Variants in ZC3H3 observed in about 807,000 individuals in gnomAD.
ZC3H3 encodes zinc finger CCCH domain-containing protein 3.
A neutral mutation model predicts 77.3 loss-of-function variants in ZC3H3; 36 were observed. The ratio of observed to expected loss-of-function variants is 0.47; its 90% CI spans 0.36 to 0.61. ZC3H3 has a LOEUF of 0.61. Among genes scored for constraint, ZC3H3 ranks in the 20% least tolerant of loss-of-function variants. The probability of loss-of-function intolerance (pLI) is 0.00; values close to 1 mark genes in which losing one functional copy is unlikely to be tolerated. For synonymous variants in ZC3H3, 626 were observed against 555.2 expected (o/e 1.13, Z -1.79); for missense variants, 1,331 against 1,312.2 (o/e 1.01, Z -0.22).
Position 143,530,150 on chromosome 8 carries a change from G to C in ZC3H3, c.1561+6107C>G, listed in dbSNP as rs539059056. 2.6e-5 allele frequency among the ~76,000 whole-genome samples: 4 copies of C among 152,218 alleles called. No homozygotes were observed. The highest frequency in any genetic ancestry group is 1.3e-4 in the Admixed American group (2 of 15,302). Reference sequence around the variant, plus strand: ...AAAGCCTGGGCAGCCGGCAGGCCTCGACCCAGCCTGGTTGTCCACACGAGA... The same window carrying C: ...AAAGCCTGGGCAGCCGGCAGGCCTCCACCCAGCCTGGTTGTCCACACGAGA... On this transcript the variant is annotated intron_variant, in intron 3 of 11. Transcript: ENST00000262577. The surrounding 1 kb of genome is among the most constrained non-coding windows in gnomAD (Gnocchi z 4.3).
intron 5 of ZC3H3, among the ~76,000 whole-genome samples, chr8:143,469,985 G>A (rs999372805): frequency 1.3e-5 from 2 of 152,160 alleles, no homozygotes; most frequent in African/African-American, 4.8e-5. Context: ...TCCCAAAGCC[G>A]CCCAGCCCCA....
At chr8:143,506,474 A>C (rs1324877540) in intron 4 of ZC3H3, among the ~76,000 whole-genome samples, 1 of 152,212 alleles carries the variant, frequency 6.6e-6, no homozygotes. Flanking sequence ...CACCAGATAG[A>C]AGAACGGAAG....
chr8:143,438,161 C>G (rs184233972), intron 11 of ZC3H3, 74 bp from the exon 12 acceptor site: 1 of 1,554,794 alleles, frequency 6.4e-7, no homozygotes, highest in South Asian at 1.2e-5. Flanking sequence ...AGCTCCTGAT[C>G]GGGCTCAGGA....
chr8:143,525,186 G>A (rs1024523645), intron 3 of ZC3H3, among the ~76,000 whole-genome samples: 1 of 152,214 alleles, frequency 6.6e-6, no homozygotes, highest in Non-Finnish European at 1.5e-5. Context: ...GGCCTGGGTG[G>A]CACCTCCCAG....
Position 143,530,171 on chromosome 8 carries a change from C to A in ZC3H3, c.1561+6086G>T, listed in dbSNP as rs1379239597. Among the ~76,000 whole-genome samples, 1 of 152,068 alleles carries A rather than the reference C, an allele frequency of 6.6e-6. No individual in the cohort carries two copies. The highest frequency in any genetic ancestry group is 1.5e-5 in the Non-Finnish European group (1 of 67,998). ...CCTCGACCCAGCCTGGTTGTCCACA[C>A]GAGACCACCACGCAAGCCAGGCCCT... On this transcript the variant is annotated intron_variant, in intron 3 of 11. Coordinates refer to ENST00000262577, the MANE Select transcript of ZC3H3 (RefSeq NM_015117.3). The surrounding 1 kb of genome is among the most constrained non-coding windows in gnomAD (Gnocchi z 4.3).
At chr8:143,505,510 C>T (rs564877149) in intron 4 of ZC3H3, among the ~76,000 whole-genome samples, 12 of 152,300 alleles carry the variant, frequency 7.9e-5, no homozygotes, top group Non-Finnish European at 1.2e-4. Flanking sequence ...CACTGGTGGC[C>T]ATTCTTCCCA....
rs1167309104 is a variant in ZC3H3, at chr8:143,530,389, C to T, written c.1561+5868G>A. On this transcript the variant is annotated intron_variant, in intron 3 of 11. Coordinates refer to ENST00000262577, the MANE Select transcript of ZC3H3 (RefSeq NM_015117.3). This position sits in a 1 kb window ranked among gnomAD's most constrained non-coding sequence, Gnocchi z 4.3. ...TGAAGCAGAGAGGGCCCTCCCACTC[C>T]AGCAGATGACGACACCACTGCCTAC... 6.6e-6 allele frequency among the ~76,000 whole-genome samples: 1 copy of T among 152,180 alleles called. No individual in the cohort carries two copies. The highest frequency in any genetic ancestry group is 6.5e-5 in the Admixed American group (1 of 15,282).
chr8:143,478,300 C>T (rs116377276), intron 4 of ZC3H3, among the ~76,000 whole-genome samples: 147 of 152,286 alleles, frequency 9.7e-4, no homozygotes, highest in African/African-American at 2.9e-3. Flanking sequence ...GGGCGAGGCC[C>T]GGGCTGCAGC....
At chr8:143,471,103 G>C (rs557781953) in intron 5 of ZC3H3, among the ~76,000 whole-genome samples, 1 of 152,222 alleles carries the variant, frequency 6.6e-6, no homozygotes, top group African/African-American at 2.4e-5. Flanking sequence ...CCACTGGACA[G>C]CTGCTGCCTG....
rs114002943 is a variant in ZC3H3, at chr8:143,496,399, G to A, written c.1715+11347C>T. On this transcript the variant is annotated intron_variant, in intron 4 of 11. Coordinates refer to ENST00000262577, the MANE Select transcript of ZC3H3 (RefSeq NM_015117.3). ...CCACGGTGAGCCTGGAGCACCTGCC[G>A]TGCAGAACGTGATGACGTGCCCAGG... Among the ~76,000 whole-genome samples, 1,299 of 152,330 alleles carry A rather than the reference G, an allele frequency of 8.5e-3. 16 individuals carry two copies. Among genetic ancestry groups the A allele is most frequent in the African/African-American group, 0.03 (1,233 of 41,572 alleles).
intron 3 of ZC3H3, among the ~76,000 whole-genome samples, chr8:143,512,019 G>A (rs1821884693): frequency 6.6e-6 from 1 of 152,274 alleles, no homozygotes; most frequent in Non-Finnish European, 1.5e-5. Flanking sequence ...AAGGGATGAT[G>A]TTGACTTGCC....
chr8:143,492,312 TG>T (rs1419134556), intron 4 of ZC3H3, among the ~76,000 whole-genome samples: 1 of 151,716 alleles, frequency 6.6e-6, no homozygotes, highest in South Asian at 2.1e-4. Flanking sequence ...ACTGGCCCAG[TG>T]GGGGGGATCC....
intron 5 of ZC3H3, among the ~76,000 whole-genome samples, chr8:143,473,251 C>T (rs978262019): frequency 7.9e-5 from 12 of 152,116 alleles, no homozygotes; most frequent in Non-Finnish European, 1.2e-4. Flanking sequence ...ATGCCTCACG[C>T]CCCCTCCCAC....
chr8:143,482,561 A>G (rs888080316), intron 4 of ZC3H3, among the ~76,000 whole-genome samples: 11 of 152,180 alleles, frequency 7.2e-5, no homozygotes, highest in Admixed American at 2.6e-4. Context: ...GGTGGCTGCC[A>G]GGGCTTGGTC....
intron 4 of ZC3H3, among the ~76,000 whole-genome samples, chr8:143,495,828 C>T (rs1012874906): frequency 4.7e-5 from 7 of 150,038 alleles, no homozygotes; most frequent in African/African-American, 7.4e-5. Flanking sequence ...GTCTTGAACT[C>T]GCAGGCTCAG....
chr8:143,491,644 C>A (rs1044400343), intron 4 of ZC3H3, among the ~76,000 whole-genome samples: 2 of 152,236 alleles, frequency 1.3e-5, no homozygotes, highest in African/African-American at 2.4e-5. Context: ...ACAGAGAGGA[C>A]CCCCCTGTCC....
At chr8:143,526,621 G>A (rs1323844842) in intron 3 of ZC3H3, among the ~76,000 whole-genome samples, 2 of 152,194 alleles carry the variant, frequency 1.3e-5, no homozygotes, top group African/African-American at 4.8e-5. Flanking sequence ...CTCAGGCAAG[G>A]GTCAAGGTGG....
intron 4 of ZC3H3, among the ~76,000 whole-genome samples, chr8:143,481,837 C>T (rs925599375): frequency 7.9e-5 from 12 of 152,230 alleles, no homozygotes; most frequent in African/African-American, 2.4e-4. Flanking sequence ...AGCCTCCACT[C>T]GGACCCCCTG....
rs1033917683 is a variant in ZC3H3, at chr8:143,513,297, T to C, written c.1562-5398A>G. 3.3e-5 allele frequency among the ~76,000 whole-genome samples: 5 copies of C among 152,066 alleles called. No homozygotes were observed. In the South Asian group the frequency reaches 1.0e-3, roughly 32 times the overall value. On this transcript the variant is annotated intron_variant, in intron 3 of 11. Coordinates refer to ENST00000262577, the MANE Select transcript of ZC3H3 (RefSeq NM_015117.3). The stretch of plus-strand genomic sequence containing the variant: ...CCTCCCAGCTTGGCTAGGAGACTGC[T>C]GAGGGGCAAAGGCAGGGGAGCAGGG...
Sources: allele counts gnomAD v4.1 joint callset (sites outside exome capture counted in the v4.1 genomes callset), GRCh38; gene constraint gnomAD v4.1.1; non-coding constraint Gnocchi (gnomAD v3.1); transcripts MANE v1.5; gene names NCBI Gene and HGNC (gene_info 2026-07-23, HGNC 2026-07-21).